Variants in PCNX2 observed in about 807,000 individuals in gnomAD.
The protein encoded by PCNX2 is pecanex 2.
Under a neutral mutation model 223.8 loss-of-function variants are expected in PCNX2, and 168 were observed. The observed-to-expected ratio is 0.75, with a 90% CI of 0.66 to 0.85. The LOEUF is 0.85. Ranked by LOEUF, PCNX2 falls within the 40% of genes least tolerant of loss-of-function variation. PCNX2 has a pLI of 0.00. For synonymous variants in PCNX2, 1,006 were observed against 1,052.6 expected (o/e 0.96, Z 0.86); for missense variants, 2,507 against 2,675.5 (o/e 0.94, Z 1.39).
rs182085445 is a variant in PCNX2, at chr1:233,045,293, C to G, written c.4351+8975G>C. 1.6e-3 allele frequency among the ~76,000 whole-genome samples: 238 copies of G among 152,324 alleles called. 6 individuals carry two copies. The highest frequency in any genetic ancestry group is 0.014 in the Admixed American group (221 of 15,304). The stretch of plus-strand genomic sequence containing the variant: ...ATTGTTAGGCCAAGCTCATAACAAT[C>G]TTCCATGCAATCTTCCACTTTCTGC... On this transcript the variant is annotated intron_variant, in intron 25 of 33. Coordinates refer to ENST00000258229, the MANE Select transcript of PCNX2 (RefSeq NM_014801.4).
In PCNX2 at chr1:233,255,621, A is replaced by G. The variant is rs78990892; in HGVS notation, c.1834+2407T>C. Among the ~76,000 whole-genome samples the G allele has an allele frequency of 7.9e-3, 1,204 of 152,316 alleles. 16 individuals carry two copies. Among genetic ancestry groups the G allele is most frequent in the African/African-American group, 0.028 (1,145 of 41,564 alleles). On this transcript the variant is annotated intron_variant, in intron 5 of 33. Coordinates refer to ENST00000258229, the MANE Select transcript of PCNX2 (RefSeq NM_014801.4). ...GTTTTCCATAGCCTTGAATTCTAGG[A>G]TATTTCTGAGACCTGAGAATAATCC...
chr1:233,212,031 A>AG (rs1558349024), intron 12 of PCNX2, among the ~76,000 whole-genome samples: 29 of 151,824 alleles, frequency 1.9e-4, no homozygotes, highest in African/African-American at 6.8e-4. Context: ...GTGTTTTATC[A>AG]TTTCTCACAA....
intron 10 of PCNX2, among the ~76,000 whole-genome samples, chr1:233,225,319 A>T (rs979409513): frequency 6.6e-6 from 1 of 152,088 alleles, no homozygotes; most frequent in African/African-American, 2.4e-5. Flanking sequence ...TCAATGACTA[A>T]ATTGATTTAA....
chr1:233,074,142 T>C (rs1340754284), intron 23 of PCNX2, among the ~76,000 whole-genome samples: 2 of 152,226 alleles, frequency 1.3e-5, no homozygotes, highest in African/African-American at 4.8e-5. Flanking sequence ...TTCTATTTTA[T>C]TCTATTGTGG....
chr1:233,185,931 T>C (rs1680071375), intron 15 of PCNX2, among the ~76,000 whole-genome samples: 1 of 152,226 alleles, frequency 6.6e-6, no homozygotes, highest in African/African-American at 2.4e-5. Flanking sequence ...GTAATAAAAC[T>C]GTCTAATAGT....
At position 233,054,368 on chromosome 1, in the gene PCNX2, A is replaced by G. The variant is rs1430951449; in HGVS notation, c.4251T>C (p.Asp1417=). ...LGRWGNYSSG[D]CFILASDDLN... is the part of the protein sequence containing the mutation. ...GGTCATCTGAAGCCAAAATAAAGCA[A>G]TCGCCAGAGCTGTAGTTGCCCCAAC... Residue 1417 remains aspartate (D), a synonymous_variant, in exon 25 of 34, where the codon GAT becomes GAC. Transcript: ENST00000258229. 2 of 1,613,932 alleles carry G rather than the reference A, an allele frequency of 1.2e-6. No individual in the cohort carries two copies. The highest frequency in any genetic ancestry group is 2.2e-5 in the South Asian group (2 of 91,080).
At chr1:233,164,510 C>T (rs1678675943) in intron 17 of PCNX2, among the ~76,000 whole-genome samples, 1 of 151,952 alleles carries the variant, frequency 6.6e-6, no homozygotes, top group Admixed American at 6.6e-5. Flanking sequence ...CAGCATTATT[C>T]ACAATAGCCA....
rs555169547 is a variant in PCNX2, at chr1:233,295,103, C to G, written c.153+223G>C. Among the ~76,000 whole-genome samples the G allele has an allele frequency of 6.6e-6, 1 of 152,240 alleles. No homozygotes were observed. Among genetic ancestry groups the G allele is most frequent in the South Asian group, 2.1e-4 (1 of 4,828 alleles). On this transcript the variant is annotated intron_variant, in intron 1 of 33. Transcript: ENST00000258229. The surrounding 1 kb of genome is among the most constrained non-coding windows in gnomAD (Gnocchi z 4.1). ...CCGGCATCAATTCTTAATGAGTCCC[C>G]GAGCCCCCGCAGTCCTGTCTACTTC...
At chr1:233,208,752 T>G in intron 12 of PCNX2, 63 bp from the exon 13 acceptor site, 1 of 1,425,154 alleles carries the variant, frequency 7.0e-7, no homozygotes, top group Non-Finnish European at 9.4e-7. Flanking sequence ...AAAAGCCTCA[T>G]AGTCAATAAT....
At chr1:233,237,101 C>A in intron 8 of PCNX2, 121 bp from the exon 9 acceptor site, 1 of 1,270,326 alleles carries the variant, frequency 7.9e-7, no homozygotes, top group Non-Finnish European at 1.1e-6. Context: ...GACTTTACAA[C>A]CTTACATAAA....
At chr1:232,994,371 G>C (rs180990778) in intron 32 of PCNX2, among the ~76,000 whole-genome samples, 1 of 152,376 alleles carries the variant, frequency 6.6e-6, no homozygotes, top group Non-Finnish European at 1.5e-5. Context: ...CATGGGGCCT[G>C]TGGCCCCTTT....
In PCNX2 at chr1:233,140,173, G is replaced by A. The variant is rs150740024; in HGVS notation, c.3518-318C>T. Among the ~76,000 whole-genome samples the A allele has an allele frequency of 3.6e-3, 537 of 149,686 alleles. 6 individuals are homozygous for A. Among genetic ancestry groups the A allele is most frequent in the African/African-American group, 0.013 (511 of 40,404 alleles). Reference sequence around the variant, plus strand: ...GCATCAAGTCATCTTAGCGTAGTAAGGGTGGAAGGTGAAGGATGAAGAGTT... The same window carrying A: ...GCATCAAGTCATCTTAGCGTAGTAAAGGTGGAAGGTGAAGGATGAAGAGTT... On this transcript the variant is annotated intron_variant, in intron 19 of 33. Coordinates refer to ENST00000258229, the MANE Select transcript of PCNX2 (RefSeq NM_014801.4).
intron 25 of PCNX2, among the ~76,000 whole-genome samples, chr1:233,050,355 A>G (rs10910649): frequency 0.025 from 3,786 of 152,204 alleles, 145 homozygotes; most frequent in African/African-American, 0.084. Context: ...GAATAAAAAA[A>G]AAAAGCCCAA....
chr1:232,993,855 T>C (rs1669788440), intron 32 of PCNX2, among the ~76,000 whole-genome samples: 1 of 152,254 alleles, frequency 6.6e-6, no homozygotes, highest in South Asian at 2.1e-4. Flanking sequence ...CTTGGGCCAT[T>C]GCTTCAGAGG....
chr1:233,295,997 TCTTTC>T (rs1558437409), upstream of PCNX2, among the ~76,000 whole-genome samples: 3 of 143,436 alleles, frequency 2.1e-5, no homozygotes, highest in Admixed American at 6.8e-5. The surrounding 1 kb of genome is among the most constrained non-coding windows in gnomAD (Gnocchi z 4.1). Flanking sequence ...TTTCTTTCTT[TCTTTC>T]TTTTTTTTTT....
the PCNX2 span, among the ~76,000 whole-genome samples, chr1:233,315,233 T>C: frequency 2.0e-5 from 3 of 152,198 alleles, no homozygotes; most frequent in African/African-American, 7.2e-5. Flanking sequence ...TTAAGAGTGC[T>C]TTAGAAATGT....
intron 19 of PCNX2, among the ~76,000 whole-genome samples, chr1:233,148,161 G>A (rs551214486): frequency 2.0e-5 from 3 of 152,154 alleles, no homozygotes; most frequent in Non-Finnish European, 4.4e-5. Flanking sequence ...CAGCAAATGT[G>A]TTTACACTAT....
intron 19 of PCNX2, 37 bp downstream of exon 19, chr1:233,160,246 C>CTT (rs78656857): frequency 9.2e-5 from 133 of 1,444,416 alleles, no homozygotes; most frequent in Admixed American, 2.9e-4. Context: ...CCTACCCCTC[C>CTT]TTTTTTTTTT....
At chr1:233,068,880 C>T (rs1348409061) in intron 23 of PCNX2, among the ~76,000 whole-genome samples, 1 of 152,026 alleles carries the variant, frequency 6.6e-6, no homozygotes, top group African/African-American at 2.4e-5. Context: ...CATAAATACA[C>T]CAGAACAAAT....
Sources: gnomAD v4.1 joint callset for allele counts (sites outside exome capture counted in the v4.1 genomes callset) on GRCh38, gnomAD v4.1.1 for gene constraint, Gnocchi (gnomAD v3.1) non-coding constraint, MANE v1.5 for transcripts, NCBI Gene and HGNC (gene_info 2026-07-23, HGNC 2026-07-21) for gene names.